FRAS1: variants seen among roughly 807,000 people sequenced by gnomAD.
FRAS1 encodes the protein extracellular matrix organizing protein FRAS1.
Under a neutral mutation model 435.2 loss-of-function variants are expected in FRAS1, and 290 were observed. The ratio of observed to expected loss-of-function variants is 0.67; its 90% CI spans 0.61 to 0.73. FRAS1 has a LOEUF of 0.73. Among genes scored for constraint, FRAS1 ranks in the 30% least tolerant of loss-of-function variants. The probability of loss-of-function intolerance (pLI) is 0.00; values close to 1 mark genes in which losing one functional copy is unlikely to be tolerated. For synonymous variants in FRAS1, 1,800 were observed against 1,851.0 expected (o/e 0.97, Z 0.71); for missense variants, 4,860 against 5,001.5 (o/e 0.97, Z 0.85).
At chr4:78,526,707 A>T in intron 70 of FRAS1, 50 bp downstream of exon 70, 1 of 1,178,750 alleles carries the variant, frequency 8.5e-7, no homozygotes, top group South Asian at 1.5e-5. Flanking sequence ...TTATTTGTGA[A>T]TTCTCCTACT....
chr4:78,440,839 G>A (rs1397811366), intron 40 of FRAS1, among the ~76,000 whole-genome samples: 4 of 152,198 alleles, frequency 2.6e-5, no homozygotes, highest in Admixed American at 2.6e-4. Context: ...AAGGAAGGCA[G>A]CCATCCTGGC....
intron 30 of FRAS1, among the ~76,000 whole-genome samples, chr4:78,402,978 G>A (rs76453969): frequency 1.3e-5 from 2 of 152,124 alleles, no homozygotes; most frequent in South Asian, 2.1e-4. Context: ...CTTATGACAG[G>A]TGATGTTAAC....
intron 34 of FRAS1, among the ~76,000 whole-genome samples, chr4:78,423,959 T>C (rs1438007413): frequency 6.6e-6 from 1 of 152,206 alleles, no homozygotes; most frequent in African/African-American, 2.4e-5. Flanking sequence ...ATGGGATAAA[T>C]GCTGCAAGAT....
intron 32 of FRAS1, among the ~76,000 whole-genome samples, chr4:78,416,510 G>A (rs574358329): frequency 5.9e-5 from 9 of 152,012 alleles, no homozygotes; most frequent in African/African-American, 1.4e-4. Context: ...TATGGGAGGC[G>A]GGTGAAACAC....
intron 2 of FRAS1, among the ~76,000 whole-genome samples, chr4:78,165,052 T>A (rs536066929): frequency 5.4e-4 from 82 of 152,330 alleles, no homozygotes; most frequent in African/African-American, 1.9e-3. Flanking sequence ...ATTCTCTTGT[T>A]TCCCTACAAA....
At chr4:78,127,695 G>A (rs1719443241) in intron 2 of FRAS1, among the ~76,000 whole-genome samples, 1 of 151,814 alleles carries the variant, frequency 6.6e-6, no homozygotes, top group Non-Finnish European at 1.5e-5. Flanking sequence ...CACAGGAAGA[G>A]GATCGTTTAG....
intron 2 of FRAS1, chr4:78,071,978 A>C (rs1740374872): frequency 6.6e-6 from 1 of 151,938 alleles, no homozygotes; most frequent in East Asian, 1.9e-4. Flanking sequence ...TTTTGAAGTC[A>C]ACACAGTTAC....
At chr4:78,322,740 A>C (rs563176768) in intron 18 of FRAS1, among the ~76,000 whole-genome samples, 1 of 152,304 alleles carries the variant, frequency 6.6e-6, no homozygotes, top group South Asian at 2.1e-4. Flanking sequence ...TAAAATTAAC[A>C]GTGATCAAAA....
intron 4 of FRAS1, among the ~76,000 whole-genome samples, chr4:78,250,988 C>T (rs1186683381): frequency 6.6e-6 from 1 of 152,026 alleles, no homozygotes; most frequent in Non-Finnish European, 1.5e-5. Flanking sequence ...ATATAATCTG[C>T]AATTTTTAAG....
intron 33 of FRAS1, among the ~76,000 whole-genome samples, chr4:78,419,635 A>G (rs1733690686): frequency 6.6e-6 from 1 of 152,200 alleles, no homozygotes; most frequent in East Asian, 1.9e-4. Flanking sequence ...GACTTAACTA[A>G]TAAGCCTATG....
chr4:78,502,459 GTATTT>G (rs1720714988), intron 61 of FRAS1, among the ~76,000 whole-genome samples: 1 of 152,042 alleles, frequency 6.6e-6, no homozygotes, highest in Non-Finnish European at 1.5e-5. Flanking sequence ...GGATTCCTAG[GTATTT>G]TATTCTCTTT....
At chr4:78,289,647 C>T (rs149801677) in intron 14 of FRAS1, among the ~76,000 whole-genome samples, 1 of 152,274 alleles carries the variant, frequency 6.6e-6, no homozygotes, top group East Asian at 1.9e-4. Flanking sequence ...TGATTAACAT[C>T]CCCTCTTGCC....
At chr4:78,068,503 A>G in intron 2 of FRAS1, 1 of 456,182 alleles carries the variant, frequency 2.2e-6, no homozygotes, top group South Asian at 1.5e-5. Context: ...GGAGGATGGC[A>G]GGGGTCAGAG....
chr4:78,476,289 CAG>C (rs10605794), intron 54 of FRAS1, among the ~76,000 whole-genome samples: 3,732 of 152,014 alleles, frequency 0.025, 166 homozygotes, highest in African/African-American at 0.084. Flanking sequence ...GTCTGGTGTC[CAG>C]AGAGAAATTT....
intron 38 of FRAS1, among the ~76,000 whole-genome samples, chr4:78,436,506 G>A (rs919238528): frequency 2.0e-5 from 3 of 152,180 alleles, no homozygotes; most frequent in Non-Finnish European, 4.4e-5. Flanking sequence ...CAAAGAACTT[G>A]TGCAAGAATG....
chr4:78,307,896 T>A (rs1460945982), intron 14 of FRAS1, among the ~76,000 whole-genome samples, 170 bp from the exon 15 acceptor site: 1 of 152,218 alleles, frequency 6.6e-6, no homozygotes, highest in Non-Finnish European at 1.5e-5. Context: ...AAACGGTTTC[T>A]TGAAGAAGAG....
At chr4:78,208,197 A>C (rs965526688) in intron 2 of FRAS1, among the ~76,000 whole-genome samples, 1 of 152,164 alleles carries the variant, frequency 6.6e-6, no homozygotes, top group African/African-American at 2.4e-5. Context: ...GAGAGATAAC[A>C]ATCACTACAG....
At chr4:78,345,279 G>C (rs1184357254) in intron 20 of FRAS1, among the ~76,000 whole-genome samples, 1 of 152,144 alleles carries the variant, frequency 6.6e-6, no homozygotes, top group Non-Finnish European at 1.5e-5. Context: ...GGAAATGCTG[G>C]TAATTCCCAT....
chr4:78,534,218 A>AG (rs1721814249), intron 70 of FRAS1, among the ~76,000 whole-genome samples: 2 of 152,224 alleles, frequency 1.3e-5, no homozygotes, highest in Admixed American at 1.3e-4. Context: ...AATACCAAAG[A>AG]GCCTAAAGAG....
Sources: allele counts gnomAD v4.1 joint callset (sites outside exome capture counted in the v4.1 genomes callset), GRCh38; gene constraint gnomAD v4.1.1; transcripts MANE v1.5; gene names NCBI Gene and HGNC (gene_info 2026-07-23, HGNC 2026-07-21).